Variants in HSPB6 observed in about 807,000 individuals in gnomAD.
HSPB6 encodes the protein heat shock protein family B (small) member 6, also known as heat shock protein beta-6.
In HSPB6, 8 loss-of-function variants were observed where a neutral mutation model predicts 10.7. The observed-to-expected ratio is 0.75, with a 90% CI of 0.44 to 1.35. The LOEUF (loss-of-function observed/expected upper bound fraction) is 1.35. HSPB6 is among the 40% of genes most tolerant of loss of function. The probability of loss-of-function intolerance (pLI) is 0.00; values close to 1 mark genes in which losing one functional copy is unlikely to be tolerated. For missense variants in HSPB6, 232 were observed against 236.0 expected, an observed-to-expected ratio of 0.98 and a Z score of 0.11; for synonymous variants, 128 against 114.2, an observed-to-expected ratio of 1.12 and a Z score of -0.77.
chr19:35,755,723 C>T (rs751749114), intron 2 of HSPB6, 40 bp from the exon 3 acceptor site: 2 of 1,526,262 alleles, frequency 1.3e-6, no homozygotes, highest in South Asian at 1.2e-5. Context: ...GCCCCTCCGG[C>T]CCGGCGGCGA....
intron 1 of HSPB6, among the ~76,000 whole-genome samples, chr19:35,756,203 CT>C (rs1970751833): frequency 6.6e-6 from 1 of 151,996 alleles, no homozygotes; most frequent in Non-Finnish European, 1.5e-5. Context: ...CCCCAGGGCA[CT>C]GATTCCCCAG....
rs915831989 is a variant in HSPB6, at chr19:35,754,670, G to C, written c.*852C>G. ...GGGAATCAGAGCGGGTGCTCAGTTG[G>C]GTCTTGAAGGAGAAGAGGAGGAGGG... On this transcript the variant is annotated 3_prime_UTR_variant, in exon 3 of 3. Coordinates refer to ENST00000004982, the MANE Select transcript of HSPB6 (RefSeq NM_144617.3). 6 of 621,960 alleles carry C rather than the reference G, an allele frequency of 9.6e-6. No homozygotes were observed. Among genetic ancestry groups the C allele is most frequent in the African/African-American group, 9.2e-5 (5 of 54,634 alleles). 38.5% of individuals were successfully genotyped at this position (621,960 alleles called of 1,614,324 possible). A position where few individuals can be genotyped will look rare whatever the true frequency, so the allele number is the denominator to read the frequency against.
chr19:35,756,812 T>C lies in HSPB6; in HGVS notation c.197A>G (p.Gln66Arg). The C allele has an allele frequency of 6.5e-7, 1 of 1,535,646 alleles. No homozygotes were observed. Among genetic ancestry groups the C allele is most frequent in the Non-Finnish European group, 8.7e-7 (1 of 1,146,594 alleles). The change falls in exon 1 of 3, where the codon CAG becomes CGG. Residue 66 changes from glutamine (Q) to arginine (R), a missense_variant and splice_region_variant. By Grantham distance (43) the Gln-to-Arg change is conservative. Transcript: ENST00000004982. ...RAPSVALPVA[Q>R]VPTDPGHFSV... ...TTCACCCCTCCCCAGGCCTGGCACCTGGGCGACGGGCAGCGCCACGCTGGG... is the reference window on the plus strand; with the variant it reads ...TTCACCCCTCCCCAGGCCTGGCACCCGGGCGACGGGCAGCGCCACGCTGGG...
Position 35,755,653 on chromosome 19 carries a change from G to A in HSPB6, c.352C>T (p.His118Tyr), listed in dbSNP as rs200358754. The A allele has an allele frequency of 2.8e-4, 425 of 1,534,606 alleles. 3 individuals carry two copies. The Admixed American group carries it at 7.6e-3, about 27-fold the overall frequency. The change falls in exon 3 of 3, where the codon CAC (histidine) becomes TAC (tyrosine). Residue 118 changes from histidine to tyrosine, a missense_variant. His to Tyr is a moderately conservative substitution (Grantham distance 83). Transcript: ENST00000004982. ...CCAGGCGGCAGGCGGTAGCGACGGT[G>A]GAACTCGCGCGCGACGAATCCGTGC... ...DEHGFVAREF[H>Y]RRYRLPPGVD...
At position 35,756,659 on chromosome 19, in the gene HSPB6, C is replaced by A. The variant is rs1301713296; in HGVS notation, c.198+152G>T. 14 of 787,470 alleles carry A rather than the reference C, an allele frequency of 1.8e-5. No homozygotes were observed. The South Asian group carries it at 2.0e-4, about 12-fold the overall frequency. 48.8% of individuals were successfully genotyped at this position (787,470 alleles called of 1,614,324 possible). ...CCCACCCGCTGCAGTGTGCGGGCCT[C>A]AGATTCCCATTGACTCCGGAAGCCC... On this transcript the variant is annotated intron_variant, in intron 1 of 2. Coordinates refer to ENST00000004982, the MANE Select transcript of HSPB6 (RefSeq NM_144617.3).
Position 35,755,429 on chromosome 19 carries a change from G to T in HSPB6, c.*93C>A, listed in dbSNP as rs756031781. On this transcript the variant is annotated 3_prime_UTR_variant, in exon 3 of 3. Coordinates refer to ENST00000004982, the MANE Select transcript of HSPB6 (RefSeq NM_144617.3). Reference sequence around the variant, plus strand: ...AGTGGGTGAGAGGACAGTCCTTGGCGCACTCGGGACATCTGGCTGGGCGGA... The same window carrying T: ...AGTGGGTGAGAGGACAGTCCTTGGCTCACTCGGGACATCTGGCTGGGCGGA... 5 of 1,291,014 alleles carry T rather than the reference G, an allele frequency of 3.9e-6. No individual in the cohort carries two copies. Among genetic ancestry groups the T allele is most frequent in the African/African-American group, 2.9e-5 (2 of 67,828 alleles). The allele number at this position is 1,291,014 out of a possible 1,614,324, so 80.0% of individuals were successfully genotyped here.
chr19:35,755,303 TG>T lies in HSPB6; in HGVS notation c.*218del. The T allele has an allele frequency of 1.5e-6, 1 of 671,114 alleles. No homozygotes were observed. Among genetic ancestry groups the T allele is most frequent in the Non-Finnish European group, 2.7e-6 (1 of 375,606 alleles). The allele number at this position is 671,114 out of a possible 1,614,324, so 41.6% of individuals were successfully genotyped here. A position where few individuals can be genotyped will look rare whatever the true frequency, so the allele number is the denominator to read the frequency against. On this transcript the variant is annotated 3_prime_UTR_variant, in exon 3 of 3. Coordinates refer to ENST00000004982, the MANE Select transcript of HSPB6 (RefSeq NM_144617.3). ...TCTGGAAGCCGGGGAGTTGTCGGTG[TG>T]GGGTCGGAAAGCTGGAGGGGGTGTG...
chr19:35,754,649 A>G lies in HSPB6; in HGVS notation c.*873T>C, dbSNP rs1970730404. On this transcript the variant is annotated 3_prime_UTR_variant, in exon 3 of 3. Coordinates refer to ENST00000004982, the MANE Select transcript of HSPB6 (RefSeq NM_144617.3). Reference sequence around the variant, plus strand: ...GTGGCAGGGAGAAAGGCTGTGGGGAATCAGAGCGGGTGCTCAGTTGGGTCT... The same window carrying G: ...GTGGCAGGGAGAAAGGCTGTGGGGAGTCAGAGCGGGTGCTCAGTTGGGTCT... 3.0e-6 allele frequency: 2 copies of G among 665,028 alleles called. No homozygotes were observed. Among genetic ancestry groups the G allele is most frequent in the East Asian group, 2.7e-5 (1 of 36,470 alleles). 41.2% of individuals were successfully genotyped at this position (665,028 alleles called of 1,614,324 possible).
In HSPB6 at chr19:35,755,178, G is replaced by C. The variant is rs1289584139; in HGVS notation, c.*344C>G. 1 of 458,880 alleles carries C rather than the reference G, an allele frequency of 2.2e-6. No individual in the cohort carries two copies. Among genetic ancestry groups the C allele is most frequent in the Non-Finnish European group, 3.9e-6 (1 of 255,424 alleles). The allele number at this position is 458,880 out of a possible 1,614,324, so 28.4% of individuals were successfully genotyped here. A position where few individuals can be genotyped will look rare whatever the true frequency, so the allele number is the denominator to read the frequency against. ...CCCGGATGTCTTTGTAGAGGACTCA[G>C]AAGGAAGTAGAGGAGGGGTCTTAAG... On this transcript the variant is annotated 3_prime_UTR_variant, in exon 3 of 3. Coordinates refer to ENST00000004982, the MANE Select transcript of HSPB6 (RefSeq NM_144617.3).
chr19:35,755,735 C>T (rs1202925669), intron 2 of HSPB6, 37 bp downstream of exon 2: 3 of 1,536,122 alleles, frequency 2.0e-6, no homozygotes, highest in Admixed American at 2.0e-5. Flanking sequence ...CGGCGGCGAG[C>T]GTACCCGCTC....
At chr19:35,756,681 G>T in intron 1 of HSPB6, 130 bp downstream of exon 1, 1 of 895,164 alleles carries the variant, frequency 1.1e-6, no homozygotes, top group Non-Finnish European at 1.7e-6. Flanking sequence ...GACTCCGGAA[G>T]CCCTTCGGAG....
At position 35,756,975 on chromosome 19, in the gene HSPB6, G is replaced by A; in HGVS notation, c.34C>T (p.Leu12=). 1 of 1,545,568 alleles carries A rather than the reference G, an allele frequency of 6.5e-7. No homozygotes were observed. Among genetic ancestry groups the A allele is most frequent in the Non-Finnish European group, 8.7e-7 (1 of 1,146,694 alleles). Residue 12 remains leucine (L), a synonymous_variant, in exon 1 of 3, where the codon CTG becomes TTG. Transcript: ENST00000004982. ...EIPVPVQPSW[L]RRASAPLPGL... ...GGCAACGGGGCCGAGGCGCGGCGCA[G>A]CCAAGACGGCTGCACAGGCACAGGG...
rs1044961353 is a variant in HSPB6 at position 35,757,013 on chromosome 19, C to T, written c.-5G>A. On this transcript the variant is annotated 5_prime_UTR_variant, in exon 1 of 3. Coordinates refer to ENST00000004982, the MANE Select transcript of HSPB6 (RefSeq NM_144617.3). The stretch of plus-strand genomic sequence containing the variant: ...CACAGGCACAGGGATCTCCATCCTG[C>T]TCCTCCGCGTTGCAGTGCCCCTGCG... The T allele has an allele frequency of 6.5e-7, 1 of 1,545,954 alleles. No homozygotes were observed. Among genetic ancestry groups the T allele is most frequent in the Non-Finnish European group, 8.7e-7 (1 of 1,146,734 alleles).
In HSPB6 at chr19:35,755,351, G is replaced by A. The variant is rs779789974; in HGVS notation, c.*171C>T. The A allele has an allele frequency of 1.2e-5, 9 of 742,140 alleles. No individual in the cohort carries two copies. The highest frequency in any genetic ancestry group is 1.9e-5 in the Non-Finnish European group (8 of 427,276). The allele number at this position is 742,140 out of a possible 1,614,324, so 46.0% of individuals were successfully genotyped here. A position where few individuals can be genotyped will look rare whatever the true frequency, so the allele number is the denominator to read the frequency against. On this transcript the variant is annotated 3_prime_UTR_variant, in exon 3 of 3. Transcript: ENST00000004982. ...TGTGAGAGCGAGGGTGTCAGTGGAA[G>A]GGTCTATGTTATCAAGGCAGTGTCC...
chr19:35,755,789 G>T lies in HSPB6; in HGVS notation c.304C>A (p.Arg102Ser), dbSNP rs76228406. The T allele has an allele frequency of 6.3e-7, 1 of 1,590,270 alleles. No individual in the cohort carries two copies. The highest frequency in any genetic ancestry group is 1.7e-5 in the Admixed American group (1 of 57,566). Reference sequence around the variant, plus strand: ...CGGCTCACCGGGCGCTCCTCGTGGCGCGCGTGCACCTCCACGTGTTCGCCC... The same window carrying T: ...CGGCTCACCGGGCGCTCCTCGTGGCTCGCGTGCACCTCCACGTGTTCGCCC... ...VVGEHVEVHARHEERPDEHGF... is the reference protein window; with the variant it reads ...VVGEHVEVHASHEERPDEHGF... The change falls in exon 2 of 3, where the codon CGC (arginine) becomes AGC (serine). Residue 102 changes from arginine to serine, a missense_variant. Coordinates refer to ENST00000004982, the MANE Select transcript of HSPB6 (RefSeq NM_144617.3).
At position 35,755,812 on chromosome 19, in the gene HSPB6, C is replaced by T. The variant is rs1196661842; in HGVS notation, c.281G>A (p.Gly94Asp). 7 of 1,596,946 alleles carry T rather than the reference C, an allele frequency of 4.4e-6. No individual in the cohort carries two copies. The highest frequency in any genetic ancestry group is 4.3e-6 in the Non-Finnish European group (5 of 1,172,844). ...GCGCGCGTGCACCTCCACGTGTTCG[C>T]CCACCACCTTGACAGCAATTTCCTC... ...SPEEIAVKVVGEHVEVHARHE... is the reference protein window; with the variant it reads ...SPEEIAVKVVDEHVEVHARHE... The change falls in exon 2 of 3, where the codon GGC (glycine) becomes GAC (aspartate). Residue 94 changes from glycine (G) to aspartate (D), a missense_variant. Transcript: ENST00000004982.
rs775724242 is a variant in HSPB6, at chr19:35,755,375, C to T, written c.*147G>A. On this transcript the variant is annotated 3_prime_UTR_variant, in exon 3 of 3. Transcript: ENST00000004982. ...AGGGTCTATGTTATCAAGGCAGTGT[C>T]CAGGATGGAGGTCAGGGCAGAATCC... 2.5e-4 allele frequency: 206 copies of T among 820,756 alleles called. No homozygotes were observed. The highest frequency in any genetic ancestry group is 3.6e-4 in the Non-Finnish European group (178 of 497,262). The allele number at this position is 820,756 out of a possible 1,614,324, so 50.8% of individuals were successfully genotyped here.
At chr19:35,756,461 AAG>A (rs947410917) in intron 1 of HSPB6, among the ~76,000 whole-genome samples, 1 of 152,110 alleles carries the variant, frequency 6.6e-6, no homozygotes, top group African/African-American at 2.4e-5. Context: ...CCCCGAGACT[AAG>A]AACATTCCTT....
Position 35,755,448 on chromosome 19 carries a change from G to A in HSPB6, c.*74C>T, listed in dbSNP as rs977131048. ...CTTGGCGCACTCGGGACATCTGGCT[G>A]GGCGGAGTCAGATCGGCTTTAATAG... On this transcript the variant is annotated 3_prime_UTR_variant, in exon 3 of 3. Coordinates refer to ENST00000004982, the MANE Select transcript of HSPB6 (RefSeq NM_144617.3). 1.4e-6 allele frequency: 2 copies of A among 1,428,346 alleles called. No homozygotes were observed. The highest frequency in any genetic ancestry group is 1.2e-5 in the South Asian group (1 of 81,088). The allele number at this position is 1,428,346 out of a possible 1,614,324, so 88.5% of individuals were successfully genotyped here. A position where few individuals can be genotyped will look rare whatever the true frequency, so the allele number is the denominator to read the frequency against.
Sources: gnomAD v4.1 joint callset for allele counts (sites outside exome capture counted in the v4.1 genomes callset) on GRCh38, gnomAD v4.1.1 for gene constraint, MANE v1.5 for transcripts, NCBI Gene and HGNC (gene_info 2026-07-23, HGNC 2026-07-21) for gene names.